CACNA1D: variants seen among roughly 807,000 people sequenced by gnomAD.
The protein encoded by CACNA1D is voltage-dependent L-type calcium channel subunit alpha-1D.
A neutral mutation model predicts 257.1 loss-of-function variants in CACNA1D; 55 were observed. The ratio of observed to expected loss-of-function variants is 0.21; its 90% CI spans 0.17 to 0.27. The LOEUF (loss-of-function observed/expected upper bound fraction) is 0.27. Ranked by LOEUF, CACNA1D falls within the 10% of genes least tolerant of loss-of-function variation. CACNA1D has a pLI of 1.00. For synonymous variants in CACNA1D, 980 were observed against 1,014.9 expected (o/e 0.97, Z 0.65); for missense variants, 1,876 against 2,784.0 (o/e 0.67, Z 7.34).
rs1559504844 is a variant in CACNA1D at position 53,679,269 on chromosome 3, T to TAAAAAAAAAAAAAA, written c.1220+6143_1220+6144insAAAAAAAAAAAAAA. 4.7e-4 allele frequency: 3 copies of TAAAAAAAAAAAAAA among 6,376 alleles called. 1 individual carries two copies. Among genetic ancestry groups the TAAAAAAAAAAAAAA allele is most frequent in the African/African-American group, 9.9e-4 (3 of 3,044 alleles). The allele number at this position is 6,376 out of a possible 1,614,324, so 0.4% of individuals were successfully genotyped here. A position where few individuals can be genotyped will look rare whatever the true frequency, so the allele number is the denominator to read the frequency against. ...TGGGTGACAAGAGCAAAACTCCATC[T>TAAAAAAAAAAAAAA]CAAAAAAAAAAAAAAAAAAAAAAAA... On this transcript the variant is annotated intron_variant, in intron 8 of 47. Transcript: ENST00000350061.
intron 3 of CACNA1D, among the ~76,000 whole-genome samples, chr3:53,638,458 G>A (rs1004882213): frequency 1.3e-5 from 2 of 152,206 alleles, no homozygotes; most frequent in African/African-American, 4.8e-5. Flanking sequence ...CCTGGGTGGT[G>A]GCTGGTGGCT....
At chr3:53,682,499 G>A (rs1169772611) in intron 8 of CACNA1D, among the ~76,000 whole-genome samples, 3 of 150,734 alleles carry the variant, frequency 2.0e-5, no homozygotes, top group Non-Finnish European at 4.4e-5. Flanking sequence ...TGAGGTTGCA[G>A]TGAGCTATGA....
intron 8 of CACNA1D, among the ~76,000 whole-genome samples, chr3:53,684,397 A>G (rs1482759057): frequency 6.6e-6 from 1 of 152,138 alleles, no homozygotes; most frequent in Admixed American, 6.6e-5. Flanking sequence ...TGAGGCAGGC[A>G]GATCACCTGA....
At chr3:53,566,293 C>T (rs941583590) in intron 3 of CACNA1D, among the ~76,000 whole-genome samples, 2 of 152,152 alleles carry the variant, frequency 1.3e-5, no homozygotes, top group African/African-American at 4.8e-5. Context: ...GAGTGACTGC[C>T]TTGCTGTTCT....
chr3:53,641,073 A>G (rs1387896815), intron 3 of CACNA1D, among the ~76,000 whole-genome samples: 1 of 152,170 alleles, frequency 6.6e-6, no homozygotes, highest in Non-Finnish European at 1.5e-5. Context: ...TCCAGTGAGT[A>G]TGCAGATATG....
intron 3 of CACNA1D, among the ~76,000 whole-genome samples, chr3:53,590,059 C>A (rs1216373169): frequency 6.6e-6 from 1 of 152,196 alleles, no homozygotes. Context: ...TCCTCAAATC[C>A]CTTTGGTCCT....
chr3:53,535,263 G>A (rs1414916448), intron 3 of CACNA1D, among the ~76,000 whole-genome samples: 1 of 152,188 alleles, frequency 6.6e-6, no homozygotes, highest in Admixed American at 6.5e-5. Flanking sequence ...CAGGCAGGCA[G>A]GAGCAATCAC....
intron 8 of CACNA1D, among the ~76,000 whole-genome samples, chr3:53,680,623 G>T (rs185541217): frequency 7.3e-4 from 111 of 152,324 alleles, no homozygotes; most frequent in African/African-American, 2.6e-3. Flanking sequence ...TTCATGCACA[G>T]ACCCAGCTCT....
At position 53,529,256 on chromosome 3, in the gene CACNA1D, A is replaced by G. The variant is rs537043641; in HGVS notation, c.483+27536A>G. Among the ~76,000 whole-genome samples the G allele has an allele frequency of 5.9e-5, 9 of 152,288 alleles. No homozygotes were observed. In the East Asian group the frequency reaches 1.5e-3, roughly 26 times the overall value. On this transcript the variant is annotated intron_variant, in intron 3 of 47. Coordinates refer to ENST00000350061, the MANE Select transcript of CACNA1D (RefSeq NM_001128840.3). ...TTTGTCAAATGTCTTTTCTACATGTATTGAGATAATCATATGGTTTTTCTC... is the reference window on the plus strand; with the variant it reads ...TTTGTCAAATGTCTTTTCTACATGTGTTGAGATAATCATATGGTTTTTCTC...
chr3:53,505,613 T>C (rs913813857), intron 3 of CACNA1D, among the ~76,000 whole-genome samples: 7 of 152,202 alleles, frequency 4.6e-5, no homozygotes, highest in Admixed American at 3.9e-4. Flanking sequence ...TCAGATTTTC[T>C]TGGGTGGCAG....
At chr3:53,803,366 G>T in intron 43 of CACNA1D, 57 bp from the exon 44 acceptor site, 1 of 1,605,644 alleles carries the variant, frequency 6.2e-7, no homozygotes, top group Admixed American at 1.7e-5. Flanking sequence ...AGGTGCAGCT[G>T]CAGCAGGAAT....
intron 8 of CACNA1D, among the ~76,000 whole-genome samples, chr3:53,676,333 T>C (rs1457129889): frequency 6.6e-6 from 1 of 151,838 alleles, no homozygotes; most frequent in East Asian, 1.9e-4. Context: ...TACTTTCCCA[T>C]TGATATTTTT....
rs748225858 is a variant in CACNA1D, at chr3:53,810,091, G to T, written c.5985G>T (p.Pro1995=). Reference sequence around the variant, plus strand: ...CCCCTCCCTACCGGGACTGGACACCGTGCTACACCCCCCTGATCCAAGTGG... The same window carrying T: ...CCCCTCCCTACCGGGACTGGACACCTTGCTACACCCCCCTGATCCAAGTGG... ...PATPPYRDWT[P]CYTPLIQVEQ... is the part of the protein sequence containing the mutation. Residue 1995 remains proline, a synonymous_variant, in exon 47 of 48, where the codon CCG becomes CCT. Coordinates refer to ENST00000350061, the MANE Select transcript of CACNA1D (RefSeq NM_001128840.3). The T allele has an allele frequency of 1.2e-6, 2 of 1,613,808 alleles. No individual in the cohort carries two copies. Among genetic ancestry groups the T allele is most frequent in the Non-Finnish European group, 1.7e-6 (2 of 1,180,024 alleles).
In CACNA1D at chr3:53,735,513, C is replaced by T. The variant is rs1331112118; in HGVS notation, c.2751+10C>T. On this transcript the variant is annotated intron_variant, in intron 20 of 47. Transcript: ENST00000350061. The stretch of plus-strand genomic sequence containing the variant: ...CTCCTTCCGGAACACGGTAAGTCCC[C>T]AGGGTGGGGCTCGCTCTGGGATAGC... The T allele has an allele frequency of 2.5e-6, 4 of 1,613,712 alleles. No homozygotes were observed. The highest frequency in any genetic ancestry group is 3.4e-6 in the Non-Finnish European group (4 of 1,180,030).
intron 4 of CACNA1D, among the ~76,000 whole-genome samples, chr3:53,657,104 A>G (rs1384707552): frequency 6.6e-6 from 1 of 152,196 alleles, no homozygotes; most frequent in African/African-American, 2.4e-5. Flanking sequence ...AAAAAACTTT[A>G]TTCATAATAG....
intron 3 of CACNA1D, among the ~76,000 whole-genome samples, chr3:53,522,524 G>A (rs898830386): frequency 6.6e-6 from 1 of 152,226 alleles, no homozygotes; most frequent in Non-Finnish European, 1.5e-5. Context: ...AGAGCTGAAA[G>A]ATGCTTGCAA....
At chr3:53,592,621 ATTCCTCT>A (rs552478506) in intron 3 of CACNA1D, among the ~76,000 whole-genome samples, 234 of 152,258 alleles carry the variant, frequency 1.5e-3, no homozygotes, top group African/African-American at 5.6e-3. Context: ...CACTTGCCTA[ATTCCTCT>A]TTGAGTAAGG....
chr3:53,720,284 A>C (rs2094868760), intron 11 of CACNA1D, among the ~76,000 whole-genome samples: 1 of 152,252 alleles, frequency 6.6e-6, no homozygotes, highest in African/African-American at 2.4e-5. Context: ...GCAAAGACCT[A>C]AATATAAAAT....
chr3:53,731,209 T>C, intron 17 of CACNA1D, 63 bp downstream of exon 17: 1 of 1,027,830 alleles, frequency 9.7e-7, no homozygotes, highest in South Asian at 1.3e-5. Context: ...TCTCCATACA[T>C]GTACCATTTA....
Sources: gnomAD v4.1 joint callset for allele counts (sites outside exome capture counted in the v4.1 genomes callset) on GRCh38, gnomAD v4.1.1 for gene constraint, MANE v1.5 for transcripts, NCBI Gene and HGNC (gene_info 2026-07-23, HGNC 2026-07-21) for gene names.